CHCHD3: variants seen among roughly 807,000 people sequenced by gnomAD.
CHCHD3 encodes the protein MICOS complex subunit MIC19.
A neutral mutation model predicts 38.2 loss-of-function variants in CHCHD3; 20 were observed. The observed-to-expected ratio is 0.52, with a 90% CI of 0.37 to 0.76. The LOEUF is 0.76. CHCHD3 is among the 30% of genes least tolerant of loss of function. The probability of loss-of-function intolerance (pLI) is 0.00; values close to 1 mark genes in which losing one functional copy is unlikely to be tolerated. For missense variants in CHCHD3, 245 were observed against 279.2 expected (o/e 0.88, Z 0.87); for synonymous variants, 82 against 100.0 (o/e 0.82, Z 1.07).
At chr7:132,905,559 A>G (rs1809780394) in intron 4 of CHCHD3, among the ~76,000 whole-genome samples, 1 of 152,138 alleles carries the variant, frequency 6.6e-6, no homozygotes, top group African/African-American at 2.4e-5. Context: ...AAACCTGCAC[A>G]TCCTGCACAT....
chr7:132,834,077 G>A (rs137869196), intron 6 of CHCHD3, among the ~76,000 whole-genome samples: 3 of 152,278 alleles, frequency 2.0e-5, no homozygotes, highest in South Asian at 4.1e-4. Flanking sequence ...GCTTACAGGT[G>A]CTAAGCTGGT....
At chr7:132,995,986 A>G (rs1280227009) in intron 3 of CHCHD3, among the ~76,000 whole-genome samples, 1 of 152,190 alleles carries the variant, frequency 6.6e-6, no homozygotes, top group Non-Finnish European at 1.5e-5. Context: ...CCCCATTCAG[A>G]GCTAAAGAAA....
At chr7:133,056,961 C>T (rs1239406303) in intron 2 of CHCHD3, among the ~76,000 whole-genome samples, 1 of 152,184 alleles carries the variant, frequency 6.6e-6, no homozygotes, top group Non-Finnish European at 1.5e-5. Context: ...TCTCTCTCCT[C>T]TATTCAGTGG....
chr7:133,015,474 A>C (rs1014973393), intron 3 of CHCHD3, among the ~76,000 whole-genome samples: 1 of 152,186 alleles, frequency 6.6e-6, no homozygotes, highest in Non-Finnish European at 1.5e-5. Flanking sequence ...GAATTTTTTT[A>C]AATACTGTAC....
At chr7:133,072,587 C>T (rs1335764102) in intron 1 of CHCHD3, among the ~76,000 whole-genome samples, 1 of 152,082 alleles carries the variant, frequency 6.6e-6, no homozygotes, top group African/African-American at 2.4e-5. Flanking sequence ...CATCTGTAAT[C>T]CCTGCACTTT....
intron 3 of CHCHD3, among the ~76,000 whole-genome samples, chr7:132,985,016 G>A (rs1238416233): frequency 1.1e-5 from 1 of 93,888 alleles, no homozygotes; most frequent in Non-Finnish European, 2.2e-5. Flanking sequence ...GCCCCGTCTG[G>A]GAGGGAGGTG....
At chr7:132,946,905 T>C (rs1810916655) in intron 4 of CHCHD3, among the ~76,000 whole-genome samples, 1 of 151,918 alleles carries the variant, frequency 6.6e-6, no homozygotes, top group South Asian at 2.1e-4. Context: ...GTAACTTTTA[T>C]ACCACCCTAA....
In CHCHD3 at chr7:132,962,318, G is replaced by A. The variant is rs556943165; in HGVS notation, c.369+12851C>T. Among the ~76,000 whole-genome samples, 26 of 152,182 alleles carry A rather than the reference G, an allele frequency of 1.7e-4. No individual in the cohort carries two copies. In the South Asian group the frequency reaches 3.1e-3, roughly 18 times the overall value. On this transcript the variant is annotated intron_variant, in intron 4 of 7. Coordinates refer to ENST00000262570, the MANE Select transcript of CHCHD3 (RefSeq NM_017812.4). ...TACTTTATAAAAACTCAATTTATAC[G>A]TATATAGAACTTCGAATTCTGTAAG...
At chr7:132,831,355 A>C (rs991142373) in intron 6 of CHCHD3, among the ~76,000 whole-genome samples, 6 of 151,952 alleles carry the variant, frequency 3.9e-5, no homozygotes, top group Non-Finnish European at 8.8e-5. Context: ...AATGAGAATC[A>C]GAGATAAAAC....
At chr7:133,050,177 T>A (rs548799345) in intron 2 of CHCHD3, among the ~76,000 whole-genome samples, 1 of 151,652 alleles carries the variant, frequency 6.6e-6, no homozygotes, top group African/African-American at 2.4e-5. Context: ...TGAAACCCTG[T>A]CTCTACTAAA....
At chr7:132,928,288 A>G (rs953337083) in intron 4 of CHCHD3, among the ~76,000 whole-genome samples, 3 of 152,202 alleles carry the variant, frequency 2.0e-5, no homozygotes, top group Non-Finnish European at 2.9e-5. Context: ...TAGGGAAGCA[A>G]TATCAATATC....
At chr7:132,833,969 C>A (rs983170876) in intron 6 of CHCHD3, among the ~76,000 whole-genome samples, 1 of 152,078 alleles carries the variant, frequency 6.6e-6, no homozygotes, top group Non-Finnish European at 1.5e-5. Flanking sequence ...TCATCAGATA[C>A]AATTAACTAA....
chr7:132,985,905 C>T (rs975863118), intron 3 of CHCHD3, among the ~76,000 whole-genome samples: 25 of 119,296 alleles, frequency 2.1e-4, no homozygotes, highest in Non-Finnish European at 3.7e-5. Context: ...GGGAGGTGTA[C>T]TCAACAGCTC....
At chr7:132,865,011 C>T (rs1358897927) in intron 5 of CHCHD3, among the ~76,000 whole-genome samples, 1 of 152,104 alleles carries the variant, frequency 6.6e-6, no homozygotes, top group African/African-American at 2.4e-5. Context: ...GTAAAAGAAA[C>T]CATTAAAATG....
At chr7:133,043,131 G>T (rs1813878161) in intron 2 of CHCHD3, among the ~76,000 whole-genome samples, 1 of 152,086 alleles carries the variant, frequency 6.6e-6, no homozygotes, top group Admixed American at 6.5e-5. Context: ...GCTTCCCAAA[G>T]TGCTGGGATT....
chr7:132,981,622 T>C (rs1325161912), intron 3 of CHCHD3, among the ~76,000 whole-genome samples: 2 of 152,242 alleles, frequency 1.3e-5, no homozygotes, highest in Non-Finnish European at 2.9e-5. Flanking sequence ...TAAATGTTTT[T>C]CTGAATTTGG....
At chr7:133,043,661 A>T (rs905337989) in intron 2 of CHCHD3, among the ~76,000 whole-genome samples, 3 of 151,776 alleles carry the variant, frequency 2.0e-5, no homozygotes, top group Admixed American at 6.6e-5. Context: ...AAAAAAAAAA[A>T]TAGACAAAAT....
chr7:132,970,509 G>A (rs1455718802), intron 4 of CHCHD3, among the ~76,000 whole-genome samples: 1 of 152,180 alleles, frequency 6.6e-6, no homozygotes, highest in Non-Finnish European at 1.5e-5. Context: ...TCCCAAAAGT[G>A]GGAATCCTCA....
At chr7:132,997,688 A>AAAC in intron 3 of CHCHD3, among the ~76,000 whole-genome samples, 1 of 147,622 alleles carries the variant, frequency 6.8e-6, no homozygotes, top group Non-Finnish European at 1.5e-5. Flanking sequence ...AAAAAAAAAA[A>AAAC]CAGCAAGAGA....
Sources: gnomAD v4.1 joint callset for allele counts (sites outside exome capture counted in the v4.1 genomes callset) on GRCh38, gnomAD v4.1.1 for gene constraint, MANE v1.5 for transcripts, NCBI Gene and HGNC (gene_info 2026-07-23, HGNC 2026-07-21) for gene names.